Variants in HBS1L observed in about 807,000 individuals in gnomAD.
HBS1L encodes the protein HBS1-like protein.
HBS1L carries 55 observed loss-of-function variants against 88.9 expected under a neutral mutation model. The ratio of observed to expected loss-of-function variants is 0.62; its 90% CI spans 0.50 to 0.77. The LOEUF is 0.77. Among genes scored for constraint, HBS1L ranks in the 30% least tolerant of loss-of-function variants. HBS1L has a pLI of 0.00. For synonymous variants in HBS1L, 267 were observed against 288.5 expected (o/e 0.93, Z 0.76); for missense variants, 741 against 829.3 (o/e 0.89, Z 1.31).
chr6:134,971,801 A>G (rs181903787), intron 15 of HBS1L, among the ~76,000 whole-genome samples: 3 of 152,324 alleles, frequency 2.0e-5, no homozygotes, highest in Non-Finnish European at 2.9e-5. Flanking sequence ...CTTATTATTT[A>G]TATAGCACAA....
chr6:134,996,816 T>C lies in HBS1L; in HGVS notation c.926A>G (p.Tyr309Cys). 6.2e-7 allele frequency: 1 copy of C among 1,611,482 alleles called. No homozygotes were observed. Among genetic ancestry groups the C allele is most frequent in the East Asian group, 2.2e-5 (1 of 44,704 alleles). The change falls in exon 7 of 18, where the codon TAT becomes TGT. Residue 309 changes from tyrosine to cysteine, a missense_variant. Coordinates refer to ENST00000367837, the MANE Select transcript of HBS1L (RefSeq NM_006620.4). ...GCCAGTTTCATCCAAGACCCATGCA[T>C]ATGCAAACGAAGCTTTGCCAGCCTT... is the stretch of plus-strand genomic sequence containing the variant. ...SKKAGKASFA[Y>C]AWVLDETGEE...
At chr6:134,992,702 A>G (rs1294673236) in intron 8 of HBS1L, among the ~76,000 whole-genome samples, 3 of 152,224 alleles carry the variant, frequency 2.0e-5, no homozygotes, top group African/African-American at 7.2e-5. Context: ...CTTTAAGCTA[A>G]GTGTTATTAT....
intron 3 of HBS1L, among the ~76,000 whole-genome samples, chr6:135,040,344 C>CCTTTTTTTT (rs1365916364): frequency 3.1e-4 from 34 of 110,064 alleles, no homozygotes; most frequent in Admixed American, 6.7e-4. Context: ...GATAGGCATT[C>CCTTTTTTTT]TTTTTTTTTT....
At position 135,039,679 on chromosome 6, in the gene HBS1L, G is replaced by A. The variant is rs1260619955; in HGVS notation, c.324C>T (p.Asn108=). 6.2e-7 allele frequency: 1 copy of A among 1,614,026 alleles called. No individual in the cohort carries two copies. Among genetic ancestry groups the A allele is most frequent in the South Asian group, 1.1e-5 (1 of 91,080 alleles). The change falls in exon 4 of 18, where the codon AAC becomes AAT. Residue 108 remains asparagine (N), a synonymous_variant. Transcript: ENST00000367837. Reference sequence around the variant, plus strand: ...ACAAAGCCTTCTGCACATCAAACTTGTTCTTCAGAACTGCTTCAATTAATA... The same window carrying A: ...ACAAAGCCTTCTGCACATCAAACTTATTCTTCAGAACTGCTTCAATTAATA... ...DEILIEAVLK[N]KFDVQKALSG... is the part of the protein sequence containing the mutation.
rs545127783 is a variant in HBS1L, at chr6:134,986,721, C to A, written c.1305+15G>T. 1.4e-6 allele frequency: 2 copies of A among 1,469,094 alleles called. No individual in the cohort carries two copies. Among genetic ancestry groups the A allele is most frequent in the South Asian group, 1.3e-5 (1 of 75,958 alleles). The allele number at this position is 1,469,094 out of a possible 1,614,324, so 91.0% of individuals were successfully genotyped here. ...TTAAGGAAAGTAATAACAAATAAAT[C>A]TAAAATGATCTTACCTTAAAACCTG... On this transcript the variant is annotated intron_variant, in intron 10 of 17. Coordinates refer to ENST00000367837, the MANE Select transcript of HBS1L (RefSeq NM_006620.4).
At chr6:135,024,053 A>C (rs1395712375) in intron 4 of HBS1L, among the ~76,000 whole-genome samples, 1 of 152,178 alleles carries the variant, frequency 6.6e-6, no homozygotes. Flanking sequence ...GCTCCACATA[A>C]TAATATCTAC....
At chr6:135,054,418 T>G (rs918111711) in intron 1 of HBS1L, among the ~76,000 whole-genome samples, 3 of 152,222 alleles carry the variant, frequency 2.0e-5, no homozygotes, top group Non-Finnish European at 2.9e-5. Flanking sequence ...TATGACGCTA[T>G]GCAGCACCTC....
intron 4 of HBS1L, among the ~76,000 whole-genome samples, chr6:135,019,837 C>G (rs367936124): frequency 2.6e-5 from 4 of 151,694 alleles, no homozygotes; most frequent in Non-Finnish European, 5.9e-5. Context: ...AGAAATAACT[C>G]CATAGTAACA....
In HBS1L at chr6:134,987,679, G is replaced by A. The variant is rs747560815; in HGVS notation, c.1196C>T (p.Thr399Met). Residue 399 changes from threonine (T) to methionine (M), a missense_variant, in exon 9 of 18, where the codon ACG becomes ATG. Around this residue, in one of 3 missense-constraint regions of HBS1L, gnomAD observed 556 missense variants for 598.4 expected, o/e 0.93. Coordinates refer to ENST00000367837, the MANE Select transcript of HBS1L (RefSeq NM_006620.4). Reference sequence around the variant, plus strand: ...TTTATTAACTGCAACTGCAAGCTGCGTCACTCCCAGAGAACGGACCAAGAG... The same window carrying A: ...TTTATTAACTGCAACTGCAAGCTGCATCACTCCCAGAGAACGGACCAAGAG... ...HGLLVRSLGV[T>M]QLAVAVNKMD... The A allele has an allele frequency of 4.9e-5, 79 of 1,602,942 alleles. No homozygotes were observed. The highest frequency in any genetic ancestry group is 1.6e-4 in the African/African-American group (12 of 74,250).
At chr6:135,009,297 G>T (rs1775701113) in intron 4 of HBS1L, among the ~76,000 whole-genome samples, 1 of 152,138 alleles carries the variant, frequency 6.6e-6, no homozygotes, top group Admixed American at 6.5e-5. Flanking sequence ...ACACTATTCT[G>T]AGAGACAAGT....
intron 4 of HBS1L, among the ~76,000 whole-genome samples, chr6:135,021,459 A>C (rs1231586526): frequency 1.3e-5 from 2 of 152,156 alleles, no homozygotes; most frequent in Non-Finnish European, 2.9e-5. Context: ...TCTGAAATTT[A>C]AACAGACTAG....
At chr6:134,987,416 A>C (rs913221348) in intron 9 of HBS1L, among the ~76,000 whole-genome samples, 1 of 152,150 alleles carries the variant, frequency 6.6e-6, no homozygotes, top group Non-Finnish European at 1.5e-5. Context: ...TTATTTTATA[A>C]TTTAAAACAA....
At chr6:135,019,695 T>G (rs1776018822) in intron 4 of HBS1L, among the ~76,000 whole-genome samples, 1 of 151,810 alleles carries the variant, frequency 6.6e-6, no homozygotes, top group African/African-American at 2.4e-5. Context: ...CTTAAAAAAA[T>G]TCTAGTTTTA....
intron 12 of HBS1L, among the ~76,000 whole-genome samples, chr6:134,983,860 T>G (rs1239102570): frequency 3.3e-5 from 5 of 151,462 alleles, no homozygotes; most frequent in Admixed American, 6.6e-5. Context: ...TATAGAGAGG[T>G]CAGAGATAGA....
At chr6:135,037,563 T>A (rs975597417) in intron 4 of HBS1L, 3 of 1,549,776 alleles carry the variant, frequency 1.9e-6, no homozygotes, top group Non-Finnish European at 2.6e-6. Flanking sequence ...TTTGAATATA[T>A]AAAGAATTAT....
intron 17 of HBS1L, 112 bp from the exon 18 acceptor site, chr6:134,965,402 T>C (rs1374279295): frequency 2.7e-6 from 2 of 733,914 alleles, no homozygotes; most frequent in Non-Finnish European, 4.4e-6. Flanking sequence ...GAAAATCTTT[T>C]TCTTTGTCCT....
intron 4 of HBS1L, chr6:135,036,505 C>T (rs1776552823): frequency 7.1e-7 from 1 of 1,403,640 alleles, no homozygotes; most frequent in Non-Finnish European, 9.3e-7. Context: ...CCTCTGAAGA[C>T]TTTAATTAAA....
At chr6:135,037,016 CTT>C (rs1364951629) in intron 4 of HBS1L, 1 of 1,551,406 alleles carries the variant, frequency 6.4e-7, no homozygotes, top group Non-Finnish European at 8.7e-7. Context: ...GGAGACCTCA[CTT>C]CAGATAAACT....
At chr6:134,981,201 C>CA (rs1774821902) in intron 13 of HBS1L, among the ~76,000 whole-genome samples, 1 of 151,814 alleles carries the variant, frequency 6.6e-6, no homozygotes, top group African/African-American at 2.4e-5. Context: ...TTCTTGTTCT[C>CA]AAAAAAGATC....
Sources: gnomAD v4.1 joint callset for allele counts (sites outside exome capture counted in the v4.1 genomes callset) on GRCh38, gnomAD v4.1.1 for gene constraint, gnomAD v4.1.1 regional missense constraint, MANE v1.5 for transcripts, NCBI Gene and HGNC (gene_info 2026-07-23, HGNC 2026-07-21) for gene names.